DOK6: variants seen among roughly 807,000 people sequenced by gnomAD.
DOK6 encodes the protein docking protein 6, also known as downstream of tyrosine kinase 6.
In DOK6, 22 loss-of-function variants were observed where a neutral mutation model predicts 44.0. The ratio of observed to expected loss-of-function variants is 0.50; its 90% CI spans 0.36 to 0.71. DOK6 has a LOEUF of 0.71. DOK6 is among the 30% of genes least tolerant of loss of function. DOK6 has a pLI of 0.00. For synonymous variants in DOK6, 166 were observed against 145.5 expected, an observed-to-expected ratio of 1.14 and a Z score of -1.01; for missense variants, 340 against 416.4, an observed-to-expected ratio of 0.82 and a Z score of 1.60.
At chr18:69,808,098 T>G (rs1176918841) in intron 7 of DOK6, among the ~76,000 whole-genome samples, 1 of 151,926 alleles carries the variant, frequency 6.6e-6, no homozygotes, top group Admixed American at 6.6e-5. Flanking sequence ...AAGTCTCTTT[T>G]CTGACCACAA....
chr18:69,478,206 G>T (rs1453256199), intron 1 of DOK6, among the ~76,000 whole-genome samples: 1 of 152,086 alleles, frequency 6.6e-6, no homozygotes, highest in Non-Finnish European at 1.5e-5. Flanking sequence ...GCTATTTTGG[G>T]CACTAGACTT....
At chr18:69,727,988 T>A (rs1037525983) in intron 5 of DOK6, among the ~76,000 whole-genome samples, 2 of 152,236 alleles carry the variant, frequency 1.3e-5, no homozygotes, top group Admixed American at 6.5e-5. Context: ...GATTCAAGCC[T>A]CGTCTGGTCT....
intron 1 of DOK6, among the ~76,000 whole-genome samples, chr18:69,423,720 T>C (rs1200123066): frequency 6.6e-6 from 1 of 152,226 alleles, no homozygotes; most frequent in African/African-American, 2.4e-5. Flanking sequence ...TCTTTTGTCC[T>C]CAGCAAAAAC....
chr18:69,710,367 T>C (rs946709555), intron 5 of DOK6, among the ~76,000 whole-genome samples: 1 of 152,234 alleles, frequency 6.6e-6, no homozygotes, highest in Non-Finnish European at 1.5e-5. Flanking sequence ...GGTATTCTCA[T>C]GCTTCTCACA....
At chr18:69,793,452 A>G (rs1474692321) in intron 7 of DOK6, among the ~76,000 whole-genome samples, 1 of 152,158 alleles carries the variant, frequency 6.6e-6, no homozygotes, top group Non-Finnish European at 1.5e-5. Flanking sequence ...ACCGCACCAG[A>G]GTTTCATAAA....
chr18:69,753,014 C>T (rs1979235334), intron 6 of DOK6, among the ~76,000 whole-genome samples: 1 of 152,164 alleles, frequency 6.6e-6, no homozygotes, highest in Non-Finnish European at 1.5e-5. Context: ...AGGCTGTTTG[C>T]TGTACAAACA....
chr18:69,567,222 G>A (rs1287127059), intron 2 of DOK6, among the ~76,000 whole-genome samples: 1 of 152,090 alleles, frequency 6.6e-6, no homozygotes, highest in Non-Finnish European at 1.5e-5. Flanking sequence ...ATGCACTGGG[G>A]ATACAGTATT....
At chr18:69,834,638 TCTC>T (rs1169500260) in intron 7 of DOK6, among the ~76,000 whole-genome samples, 23 of 152,184 alleles carry the variant, frequency 1.5e-4, no homozygotes, top group African/African-American at 5.5e-4. Context: ...TCATGTGTTC[TCTC>T]AAAATATATG....
chr18:69,439,798 G>GC (rs1432262938), intron 1 of DOK6, among the ~76,000 whole-genome samples: 6 of 152,172 alleles, frequency 3.9e-5, no homozygotes, highest in Admixed American at 3.9e-4. Context: ...CTCCATATCA[G>GC]CAACCCAGGC....
rs779449377 is a variant in DOK6, at chr18:69,757,811, G to A, written c.794G>A (p.Arg265His). The change falls in exon 7 of 8, where the codon CGC becomes CAC. Residue 265 changes from arginine (R) to histidine (H), a missense_variant. Arg to His is a conservative substitution (Grantham distance 29). Around this residue, in one of 3 missense-constraint regions of DOK6, gnomAD observed 112 missense variants for 109.3 expected, o/e 1.02. Coordinates refer to ENST00000382713, the MANE Select transcript of DOK6 (RefSeq NM_152721.6). The stretch of plus-strand genomic sequence containing the variant: ...TTATCCAAATCAATATCTCTTCCTC[G>A]CAGCGCGTACTGGCATCACATCACT... ...MTLSKSISLPRSAYWHHITRQ... is the reference protein window; with the variant it reads ...MTLSKSISLPHSAYWHHITRQ... The A allele has an allele frequency of 1.2e-6, 2 of 1,614,052 alleles. No homozygotes were observed. Among genetic ancestry groups the A allele is most frequent in the Non-Finnish European group, 1.7e-6 (2 of 1,179,974 alleles).
chr18:69,426,958 G>GC (rs1180515059), intron 1 of DOK6, among the ~76,000 whole-genome samples: 1 of 152,014 alleles, frequency 6.6e-6, no homozygotes, highest in African/African-American at 2.4e-5. Context: ...TAAGCCTAGT[G>GC]CCCATCAGTT....
chr18:69,766,534 A>C (rs1188031155), intron 7 of DOK6, among the ~76,000 whole-genome samples: 1 of 152,256 alleles, frequency 6.6e-6, no homozygotes, highest in Non-Finnish European at 1.5e-5. Flanking sequence ...TTGGGTTTAC[A>C]CGTATTATAT....
At chr18:69,593,938 G>C (rs796879546) in intron 2 of DOK6, among the ~76,000 whole-genome samples, 1 of 152,100 alleles carries the variant, frequency 6.6e-6, no homozygotes, top group East Asian at 1.9e-4. Context: ...CTTTGTTCAG[G>C]TAAAATTAGT....
chr18:69,799,086 A>T (rs1267262152), intron 7 of DOK6, among the ~76,000 whole-genome samples: 1 of 152,106 alleles, frequency 6.6e-6, no homozygotes, highest in African/African-American at 2.4e-5. Context: ...AAAAACTTAC[A>T]TTCAGCATTA....
chr18:69,798,076 C>T (rs151337535), intron 7 of DOK6, among the ~76,000 whole-genome samples: 1 of 152,076 alleles, frequency 6.6e-6, no homozygotes, highest in Non-Finnish European at 1.5e-5. Flanking sequence ...CAAATCTAGT[C>T]TGTGGACATA....
chr18:69,543,377 G>A (rs1982319431), intron 1 of DOK6, among the ~76,000 whole-genome samples: 1 of 151,534 alleles, frequency 6.6e-6, no homozygotes, highest in Non-Finnish European at 1.5e-5. Flanking sequence ...ATAAGTATGA[G>A]GAAAGATAGA....
At chr18:69,756,639 T>A (rs959643342) in intron 6 of DOK6, among the ~76,000 whole-genome samples, 2 of 152,204 alleles carry the variant, frequency 1.3e-5, no homozygotes, top group Non-Finnish European at 2.9e-5. Context: ...TCATATCAGG[T>A]ACTTTCCTGA....
chr18:69,429,043 C>A (rs190454981), intron 1 of DOK6, among the ~76,000 whole-genome samples: 5 of 152,246 alleles, frequency 3.3e-5, no homozygotes, highest in Admixed American at 3.3e-4. Context: ...CTACTTCGAT[C>A]TGGAATAAGA....
chr18:69,461,439 G>A (rs1055707721), intron 1 of DOK6, among the ~76,000 whole-genome samples: 4 of 152,012 alleles, frequency 2.6e-5, no homozygotes, highest in Non-Finnish European at 2.9e-5. Flanking sequence ...CCTGATAAAC[G>A]CCTGGCAGTC....
Sources: gnomAD v4.1 joint callset for allele counts (sites outside exome capture counted in the v4.1 genomes callset) on GRCh38, gnomAD v4.1.1 for gene constraint, gnomAD v4.1.1 regional missense constraint, MANE v1.5 for transcripts, NCBI Gene and HGNC (gene_info 2026-07-23, HGNC 2026-07-21) for gene names.